The following MAGI1 variants were observed in gnomAD, a reference collection of about 807,000 sequenced individuals.
MAGI1 encodes the protein membrane associated guanylate kinase, WW and PDZ domain containing 1, also known as membrane-associated guanylate kinase, WW and PDZ domain-containing protein 1.
MAGI1 carries 58 observed loss-of-function variants against 139.9 expected under a neutral mutation model. That is an observed-to-expected ratio of 0.41 (90% CI 0.34 to 0.52). MAGI1 has a LOEUF of 0.52. Ranked by LOEUF, MAGI1 falls within the 20% of genes least tolerant of loss-of-function variation. The pLI is 0.12. For synonymous variants in MAGI1, 812 were observed against 737.9 expected (o/e 1.10, Z -1.63); for missense variants, 1,874 against 1,901.6 (o/e 0.99, Z 0.27).
chr3:65,701,324 C>G (rs1482037541), intron 1 of MAGI1, among the ~76,000 whole-genome samples: 2 of 152,176 alleles, frequency 1.3e-5, no homozygotes, highest in African/African-American at 4.8e-5. Flanking sequence ...GTGATCTTGC[C>G]TTACTGCAAC....
intron 2 of MAGI1, among the ~76,000 whole-genome samples, chr3:65,546,932 T>C (rs1297557924): frequency 3.3e-5 from 5 of 152,196 alleles, no homozygotes; most frequent in African/African-American, 4.8e-5. Context: ...TGTATGTGTA[T>C]AGACGTGTAT....
rs2107933013 is a variant in MAGI1, at chr3:65,769,932, C to A, written c.314-147844G>T. Among the ~76,000 whole-genome samples the A allele has an allele frequency of 3.3e-5, 5 of 152,288 alleles. No homozygotes were observed. The Middle Eastern group carries it at 0.014, about 414-fold the overall frequency. Reference sequence around the variant, plus strand: ...AGATAGCCTCTCCTGTCAAAACCTCCAACTAAAGTCACAGTATCCAACAGG... The same window carrying A: ...AGATAGCCTCTCCTGTCAAAACCTCAAACTAAAGTCACAGTATCCAACAGG... On this transcript the variant is annotated intron_variant, in intron 1 of 22. Coordinates refer to ENST00000402939, the MANE Select transcript of MAGI1 (RefSeq NM_001033057.2).
chr3:65,905,277 A>G (rs989708505), intron 1 of MAGI1, among the ~76,000 whole-genome samples: 1 of 152,210 alleles, frequency 6.6e-6, no homozygotes, highest in African/African-American at 2.4e-5. Flanking sequence ...ATAAAAATTA[A>G]TGACCAGAAA....
At chr3:65,996,331 T>G (rs1576401492) in intron 1 of MAGI1, among the ~76,000 whole-genome samples, 1 of 152,186 alleles carries the variant, frequency 6.6e-6, no homozygotes, top group Non-Finnish European at 1.5e-5. Context: ...ATAACTTGTC[T>G]TTTTATACTG....
chr3:65,504,662 G>T (rs2077208406), intron 2 of MAGI1, among the ~76,000 whole-genome samples: 1 of 152,162 alleles, frequency 6.6e-6, no homozygotes, highest in South Asian at 2.1e-4. Context: ...AAACATAGCA[G>T]GGAGCTGATG....
intron 1 of MAGI1, among the ~76,000 whole-genome samples, chr3:65,707,335 A>G (rs2030503502): frequency 6.6e-6 from 1 of 152,202 alleles, no homozygotes; most frequent in Non-Finnish European, 1.5e-5. Context: ...ATGGCAAAAG[A>G]GCACAGTGGC....
At chr3:65,633,519 T>C (rs2084429180) in intron 1 of MAGI1, among the ~76,000 whole-genome samples, 1 of 152,186 alleles carries the variant, frequency 6.6e-6, no homozygotes, top group Non-Finnish European at 1.5e-5. Flanking sequence ...GGAAATCCAC[T>C]TTATTATTAT....
rs563062457 is a variant in MAGI1, at chr3:65,643,273, T to C, written c.314-21185A>G. Among the ~76,000 whole-genome samples, 5 of 152,330 alleles carry C rather than the reference T, an allele frequency of 3.3e-5. No homozygotes were observed. In the South Asian group the frequency reaches 1.0e-3, roughly 32 times the overall value. ...AAATACATAGAACTAGTTTTCTTAG[T>C]ACTTATTATTCTACTTTAAAACCAT... On this transcript the variant is annotated intron_variant, in intron 1 of 22. Transcript: ENST00000402939.
intron 2 of MAGI1, among the ~76,000 whole-genome samples, chr3:65,609,055 T>A (rs780457268): frequency 1.3e-5 from 2 of 152,138 alleles, no homozygotes; most frequent in Non-Finnish European, 2.9e-5. Flanking sequence ...TCCAGGGTGA[T>A]AGCATCAGAA....
chr3:65,658,886 A>G (rs2086033789), intron 1 of MAGI1, among the ~76,000 whole-genome samples: 2 of 152,238 alleles, frequency 1.3e-5, no homozygotes. Flanking sequence ...ACATATCCAC[A>G]TGAGCATGCA....
chr3:65,488,045 A>C (rs1951737605), intron 3 of MAGI1, among the ~76,000 whole-genome samples: 1 of 152,258 alleles, frequency 6.6e-6, no homozygotes, highest in Non-Finnish European at 1.5e-5. Flanking sequence ...GGAAGTTCTT[A>C]CAGGATAGCA....
At chr3:65,928,396 T>G (rs1387969833) in intron 1 of MAGI1, among the ~76,000 whole-genome samples, 1 of 152,212 alleles carries the variant, frequency 6.6e-6, no homozygotes. Flanking sequence ...AATATAAGAA[T>G]GAACTTAAAG....
At chr3:65,787,327 T>C (rs115543396) in intron 1 of MAGI1, among the ~76,000 whole-genome samples, 1,869 of 151,922 alleles carry the variant, frequency 0.012, 30 homozygotes, top group African/African-American at 0.042. Flanking sequence ...CATAGCAACA[T>C]AGTATAAAAG....
intron 1 of MAGI1, among the ~76,000 whole-genome samples, chr3:65,725,303 C>T (rs1256673582): frequency 6.6e-6 from 1 of 152,120 alleles, no homozygotes; most frequent in East Asian, 1.9e-4. Context: ...TCTGTGTACC[C>T]CAGTGTCTCC....
At chr3:65,538,270 T>C (rs2079050598) in intron 2 of MAGI1, among the ~76,000 whole-genome samples, 1 of 152,134 alleles carries the variant, frequency 6.6e-6, no homozygotes, top group Non-Finnish European at 1.5e-5. Flanking sequence ...AGAAAAACAA[T>C]GACCTCAAGA....
chr3:65,560,019 G>C (rs779396282), intron 2 of MAGI1, among the ~76,000 whole-genome samples: 5 of 152,210 alleles, frequency 3.3e-5, no homozygotes, highest in Non-Finnish European at 7.3e-5. Flanking sequence ...CTGGGCGAGA[G>C]AGTGAGACCC....
intron 1 of MAGI1, among the ~76,000 whole-genome samples, chr3:65,654,681 T>G (rs1272615118): frequency 6.6e-6 from 1 of 152,112 alleles, no homozygotes; most frequent in Non-Finnish European, 1.5e-5. Flanking sequence ...ATGATGAGTG[T>G]GATTAGATAC....
chr3:65,578,711 G>C (rs1227051713), intron 2 of MAGI1, among the ~76,000 whole-genome samples: 1 of 152,152 alleles, frequency 6.6e-6, no homozygotes, highest in Non-Finnish European at 1.5e-5. Flanking sequence ...CTTGAGGTCA[G>C]GAGTTCAAGA....
intron 10 of MAGI1, among the ~76,000 whole-genome samples, chr3:65,432,973 C>T (rs1419123800): frequency 6.6e-6 from 1 of 152,148 alleles, no homozygotes; most frequent in Non-Finnish European, 1.5e-5. Flanking sequence ...TTGTCCTTAG[C>T]ATTTACCACC....
Sources: allele counts gnomAD v4.1 joint callset (sites outside exome capture counted in the v4.1 genomes callset), GRCh38; gene constraint gnomAD v4.1.1; transcripts MANE v1.5; gene names NCBI Gene and HGNC (gene_info 2026-07-23, HGNC 2026-07-21).